The following MIA2 variants were observed in gnomAD, a reference collection of about 807,000 sequenced individuals.
MIA2 encodes melanoma inhibitory activity protein 2.
In MIA2, 127 loss-of-function variants were observed where a neutral mutation model predicts 167.8. The ratio of observed to expected loss-of-function variants is 0.76; its 90% CI spans 0.66 to 0.88. MIA2 has a LOEUF of 0.88. MIA2 is among the 40% of genes least tolerant of loss of function. The pLI, the probability that MIA2 is intolerant of heterozygous loss-of-function variation, is 0.00. For synonymous variants in MIA2, 552 were observed against 541.9 expected (o/e 1.02, Z -0.26); for missense variants, 1,690 against 1,624.7 (o/e 1.04, Z -0.69).
intron 13 of MIA2, among the ~76,000 whole-genome samples, chr14:39,298,443 A>ATATATATATATATATATATGT (rs1372100362): frequency 0.024 from 1,195 of 49,752 alleles, 153 homozygotes; most frequent in Non-Finnish European, 0.029. Context: ...ATATATATAT[A>ATATATATATATATATATATGT]AAGATTAGTT....
intron 25 of MIA2, among the ~76,000 whole-genome samples, chr14:39,345,048 C>G (rs2072924018): frequency 7.0e-6 from 1 of 142,670 alleles, no homozygotes; most frequent in Admixed American, 7.0e-5. Flanking sequence ...AGAGAGCTTT[C>G]CATTTAGTTT....
intron 6 of MIA2, chr14:39,266,987 C>A: frequency 2.5e-6 from 2 of 795,118 alleles, no homozygotes; most frequent in Non-Finnish European, 3.1e-6. Context: ...GAGGCCGAAT[C>A]TCATCCTCTA....
At chr14:39,355,482 A>G (rs552414475), downstream of MIA2, among the ~76,000 whole-genome samples, 3 of 152,276 alleles carry the variant, frequency 2.0e-5, no homozygotes, top group Non-Finnish European at 2.9e-5. Context: ...TAGATATACA[A>G]TCATGTCCCC....
intron 6 of MIA2, chr14:39,266,840 G>T: frequency 2.7e-6 from 2 of 751,210 alleles, no homozygotes; most frequent in Non-Finnish European, 3.2e-6. Flanking sequence ...CCCCTGGGTC[G>T]GGGGGGTGGG....
intron 20 of MIA2, among the ~76,000 whole-genome samples, 182 bp from the exon 21 acceptor site, chr14:39,315,499 TCA>T (rs1429955593): frequency 6.6e-6 from 1 of 152,182 alleles, no homozygotes; most frequent in Non-Finnish European, 1.5e-5. Context: ...GTCTTTACAT[TCA>T]GTTTTTGTTT....
downstream of MIA2, among the ~76,000 whole-genome samples, chr14:39,352,463 G>A (rs1308413334): frequency 6.6e-6 from 1 of 152,046 alleles, no homozygotes; most frequent in African/African-American, 2.4e-5. Flanking sequence ...TTTGATGTCT[G>A]AAAATCTCAA....
chr14:39,293,908 C>CTAA, intron 11 of MIA2, 92 bp from the exon 12 acceptor site: 1 of 953,174 alleles, frequency 1.0e-6, no homozygotes, highest in Non-Finnish European at 1.6e-6. Context: ...ACTTATGGAG[C>CTAA]TAAAGTGTTA....
intron 19 of MIA2, 142 bp downstream of exon 19, chr14:39,313,583 T>G: frequency 4.2e-6 from 2 of 476,698 alleles, no homozygotes; most frequent in Non-Finnish European, 7.5e-6. Flanking sequence ...ATAATATATT[T>G]TTGTCTCATC....
intron 20 of MIA2, 156 bp downstream of exon 20, chr14:39,314,955 A>G: frequency 1.9e-6 from 1 of 519,012 alleles, no homozygotes; most frequent in Non-Finnish European, 3.1e-6. Flanking sequence ...ATTTCCCAGG[A>G]GCCAAAGATT....
In MIA2 at chr14:39,238,857, C is replaced by T. The variant is rs1398501812; in HGVS notation, c.250-1704C>T. On this transcript the variant is annotated intron_variant, in intron 2 of 28. Coordinates refer to ENST00000640607, the MANE Select transcript of MIA2 (RefSeq NM_001329214.4). ...AGCTGATAGAGCTTTTTATTTGGCC[C>T]GAAGCTTTAGTATGCTGAAATTCCT... Among the ~76,000 whole-genome samples the T allele has an allele frequency of 4.1e-5, 6 of 147,536 alleles. No individual in the cohort carries two copies. The East Asian group carries it at 6.1e-4, about 15-fold the overall frequency.
At chr14:39,293,893 G>A in intron 11 of MIA2, 107 bp from the exon 12 acceptor site, 1 of 815,608 alleles carries the variant, frequency 1.2e-6, no homozygotes, top group Non-Finnish European at 2.0e-6. Context: ...CTTAATTTGA[G>A]CTTCACTTAT....
intron 25 of MIA2, among the ~76,000 whole-genome samples, chr14:39,344,158 AGCC>A (rs1224681136): frequency 4.6e-5 from 7 of 152,216 alleles, no homozygotes; most frequent in African/African-American, 1.4e-4. Context: ...AGGGCAACAT[AGCC>A]ATGTAGTTTA....
At chr14:39,283,615 G>C (rs905301050) in intron 9 of MIA2, among the ~76,000 whole-genome samples, 2 of 152,060 alleles carry the variant, frequency 1.3e-5, no homozygotes, top group African/African-American at 4.8e-5. Context: ...TTGCGTCCTG[G>C]GGGTTTGTTG....
intron 6 of MIA2, among the ~76,000 whole-genome samples, chr14:39,261,469 T>C (rs1170728080): frequency 6.6e-6 from 1 of 152,222 alleles, no homozygotes; most frequent in Non-Finnish European, 1.5e-5. Flanking sequence ...GGTGCCTTTA[T>C]AGCAGCATGA....
At chr14:39,261,458 A>G (rs1313914315) in intron 6 of MIA2, among the ~76,000 whole-genome samples, 1 of 152,192 alleles carries the variant, frequency 6.6e-6, no homozygotes, top group Non-Finnish European at 1.5e-5. Flanking sequence ...ATACGTGTGC[A>G]GGTGCCTTTA....
intron 6 of MIA2, among the ~76,000 whole-genome samples, chr14:39,264,029 G>T (rs538515022): frequency 2.6e-5 from 4 of 152,154 alleles, no homozygotes; most frequent in Non-Finnish European, 5.9e-5. Context: ...TGAGATTTGG[G>T]CTTCTATTGA....
chr14:39,323,972 T>A (rs1461079982), intron 24 of MIA2, among the ~76,000 whole-genome samples: 1 of 152,248 alleles, frequency 6.6e-6, no homozygotes, highest in Non-Finnish European at 1.5e-5. Context: ...AAAGTTTCTA[T>A]GATCCACCAA....
Position 39,244,634 on chromosome 14 carries a change from C to G in MIA2, c.337-2277C>G, listed in dbSNP as rs529614636. The stretch of plus-strand genomic sequence containing the variant: ...GGTAATATCCAAAGGCAGCACACAT[C>G]GCTATTTCTAACATTCAGATTAAAA... On this transcript the variant is annotated intron_variant, in intron 3 of 28. Transcript: ENST00000640607. 2.0e-5 allele frequency among the ~76,000 whole-genome samples: 3 copies of G among 152,078 alleles called. No individual in the cohort carries two copies. In the South Asian group the frequency reaches 6.2e-4, roughly 32 times the overall value.
chr14:39,239,293 C>T (rs568147052), intron 2 of MIA2, among the ~76,000 whole-genome samples: 11 of 152,268 alleles, frequency 7.2e-5, no homozygotes, highest in Admixed American at 5.2e-4. Flanking sequence ...TGCCTATAAT[C>T]CCAGTGCTTT....
Sources: gnomAD v4.1 joint callset for allele counts (sites outside exome capture counted in the v4.1 genomes callset) on GRCh38, gnomAD v4.1.1 for gene constraint, MANE v1.5 for transcripts, NCBI Gene and HGNC (gene_info 2026-07-23, HGNC 2026-07-21) for gene names.